NOP58: variants seen among roughly 807,000 people sequenced by gnomAD.
NOP58 encodes the protein nucleolar protein 58.
NOP58 carries 44 observed loss-of-function variants against 71.2 expected under a neutral mutation model. The observed-to-expected ratio is 0.62, with a 90% CI of 0.49 to 0.79. The LOEUF (loss-of-function observed/expected upper bound fraction) is 0.79, where lower values mean the gene tolerates loss of function less well. NOP58 is among the 30% of genes least tolerant of loss of function. The pLI is 0.00. For missense variants in NOP58, 538 were observed against 620.2 expected (o/e 0.87, Z 1.41); for synonymous variants, 228 against 200.3 (o/e 1.14, Z -1.17).
intron 6 of NOP58, among the ~76,000 whole-genome samples, chr2:202,288,556 G>A (rs996347977): frequency 1.3e-5 from 2 of 151,230 alleles, no homozygotes; most frequent in African/African-American, 2.4e-5. Flanking sequence ...CGTGGCTCAC[G>A]CCTGTAATCC....
Position 202,303,539 on chromosome 2 carries a change from T to G in NOP58, c.*103T>G. 7.0e-7 allele frequency: 1 copy of G among 1,418,532 alleles called. No individual in the cohort carries two copies. Among genetic ancestry groups the G allele is most frequent in the South Asian group, 1.6e-5 (1 of 62,442 alleles). 87.9% of individuals were successfully genotyped at this position (1,418,532 alleles called of 1,614,324 possible). On this transcript the variant is annotated 3_prime_UTR_variant, in exon 15 of 15. Coordinates refer to ENST00000264279, the MANE Select transcript of NOP58 (RefSeq NM_015934.5). ...CTAACGTAATCAAGGGAAGGTTCAG[T>G]AAGACAAAGTGATTTATCATCTATA... is the stretch of plus-strand genomic sequence containing the variant.
chr2:202,275,079 A>G (rs1161779453), intron 1 of NOP58, 34 bp from the exon 2 acceptor site: 1 of 1,095,028 alleles, frequency 9.1e-7, no homozygotes, highest in South Asian at 1.4e-5. Context: ...CACCTGTACC[A>G]TTTAAATAAA....
chr2:202,287,460 GT>G (rs374764253), intron 5 of NOP58, among the ~76,000 whole-genome samples, 199 bp from the exon 6 acceptor site: 82 of 145,778 alleles, frequency 5.6e-4, no homozygotes, highest in African/African-American at 1.6e-3. Flanking sequence ...AGCACATATA[GT>G]TTTTTTTTTT....
chr2:202,268,177 G>T (rs1290467008), intron 1 of NOP58, among the ~76,000 whole-genome samples: 1 of 152,122 alleles, frequency 6.6e-6, no homozygotes, highest in African/African-American at 2.4e-5. Flanking sequence ...TCCTAAAAAA[G>T]TAGACATACG....
intron 1 of NOP58, among the ~76,000 whole-genome samples, chr2:202,267,764 G>A (rs1178010916): frequency 6.6e-6 from 1 of 152,110 alleles, no homozygotes; most frequent in Non-Finnish European, 1.5e-5. Flanking sequence ...TCAATGGTCG[G>A]ATTTCTAGAC....
intron 6 of NOP58, among the ~76,000 whole-genome samples, chr2:202,289,161 C>T (rs1420234464): frequency 6.6e-6 from 1 of 152,070 alleles, no homozygotes; most frequent in Non-Finnish European, 1.5e-5. Context: ...CGATTCCTTT[C>T]CTAGATTTAT....
At chr2:202,297,261 T>G (rs1689009401) in intron 10 of NOP58, 118 bp from the exon 11 acceptor site, 1 of 890,916 alleles carries the variant, frequency 1.1e-6, no homozygotes, top group East Asian at 2.6e-5. Flanking sequence ...TGAAATACGA[T>G]GGATGATTTG....
At chr2:202,276,340 C>CAA (rs140927221) in intron 2 of NOP58, 524 of 176,790 alleles carry the variant, frequency 3.0e-3, no homozygotes, top group South Asian at 5.9e-3. Flanking sequence ...ACCCTGTCTC[C>CAA]AAAAAAAAAA....
chr2:202,296,145 C>T lies in NOP58; in HGVS notation c.1071+308C>T, dbSNP rs568488895. Among the ~76,000 whole-genome samples the T allele has an allele frequency of 7.2e-5, 11 of 151,876 alleles. No individual in the cohort carries two copies. In the East Asian group the frequency reaches 1.9e-3, roughly 27 times the overall value. On this transcript the variant is annotated intron_variant, in intron 10 of 14. Transcript: ENST00000264279. ...CAGCAAAAAAAAAATCTAACATTTA[C>T]GAATCATAAAAAATAGCATATGCAT...
intron 5 of NOP58, 72 bp downstream of exon 5, chr2:202,284,553 A>C: frequency 1.4e-6 from 2 of 1,458,210 alleles, no homozygotes; most frequent in Middle Eastern, 1.8e-4. Context: ...TGTTCTAAGA[A>C]TGTTACAAAT....
At chr2:202,273,858 G>A (rs549965720) in intron 1 of NOP58, among the ~76,000 whole-genome samples, 4 of 151,810 alleles carry the variant, frequency 2.6e-5, no homozygotes, top group African/African-American at 7.2e-5. Flanking sequence ...CAGGAGAATC[G>A]CTTGAACCCG....
At chr2:202,298,013 AATTT>A (rs1188198828) in intron 12 of NOP58, 107 bp downstream of exon 12, 6 of 698,286 alleles carry the variant, frequency 8.6e-6, no homozygotes, top group Non-Finnish European at 1.4e-5. Flanking sequence ...AGTTTTTTCA[AATTT>A]ATTTATTTGA....
chr2:202,274,288 C>T (rs1443332504), intron 1 of NOP58, among the ~76,000 whole-genome samples: 1 of 152,028 alleles, frequency 6.6e-6, no homozygotes, highest in East Asian at 1.9e-4. Context: ...AGTGCAGTCG[C>T]GCAATCTCGG....
intron 3 of NOP58, chr2:202,278,246 A>G (rs754602670): frequency 6.9e-5 from 41 of 597,352 alleles, no homozygotes; most frequent in African/African-American, 5.5e-4. Flanking sequence ...AGAGGTGAGA[A>G]GTGGTTAAGT....
At chr2:202,301,775 T>C (rs573660796) in intron 13 of NOP58, among the ~76,000 whole-genome samples, 1 of 152,292 alleles carries the variant, frequency 6.6e-6, no homozygotes, top group South Asian at 2.1e-4. Context: ...TCAAGATACA[T>C]GTATCATTCA....
chr2:202,295,805 G>T lies in NOP58; in HGVS notation c.1039G>T (p.Val347Leu), dbSNP rs766805972. The T allele has an allele frequency of 3.8e-6, 6 of 1,599,776 alleles. No individual in the cohort carries two copies. The highest frequency in any genetic ancestry group is 5.1e-6 in the Non-Finnish European group (6 of 1,174,068). Residue 347 changes from valine (V) to leucine (L), a missense_variant, in exon 10 of 15, where the codon GTG becomes TTG. Transcript: ENST00000264279. ...TGGTCTCATTTATCATGCTTCACTC[G>T]TGGGCCAGACAAGTCCCAAACACAA... ...KYGLIYHASL[V>L]GQTSPKHKGK... is the part of the protein sequence containing the mutation.
chr2:202,274,512 G>A (rs1461097897), intron 1 of NOP58, among the ~76,000 whole-genome samples: 1 of 151,612 alleles, frequency 6.6e-6, no homozygotes, highest in Non-Finnish European at 1.5e-5. Flanking sequence ...AAAGTGCTGG[G>A]ATTACAGATG....
At chr2:202,275,076 A>G in intron 1 of NOP58, 37 bp from the exon 2 acceptor site, 1 of 1,033,084 alleles carries the variant, frequency 9.7e-7, no homozygotes, top group Non-Finnish European at 1.5e-6. Context: ...CCTCACCTGT[A>G]CCATTTAAAT....
At chr2:202,298,759 A>T (rs1689039083) in intron 12 of NOP58, among the ~76,000 whole-genome samples, 1 of 152,174 alleles carries the variant, frequency 6.6e-6, no homozygotes, top group Non-Finnish European at 1.5e-5. Context: ...AGATTAACAA[A>T]AGATTTGTAT....
Sources: allele counts gnomAD v4.1 joint callset (sites outside exome capture counted in the v4.1 genomes callset), GRCh38; gene constraint gnomAD v4.1.1; transcripts MANE v1.5; gene names NCBI Gene and HGNC (gene_info 2026-07-23, HGNC 2026-07-21).